The following TPD52 variants were observed in gnomAD, a reference collection of about 807,000 sequenced individuals.
TPD52 encodes tumor protein D52, also known as prostate and colon associated protein.
In TPD52, 17 loss-of-function variants were observed where a neutral mutation model predicts 31.3. That is an observed-to-expected ratio of 0.54 (90% CI 0.37 to 0.82). The LOEUF (loss-of-function observed/expected upper bound fraction) is 0.82, where lower values mean the gene tolerates loss of function less well. Among genes scored for constraint, TPD52 ranks in the 40% least tolerant of loss-of-function variants. The pLI is 0.00. For missense variants in TPD52, 212 were observed against 240.1 expected, an observed-to-expected ratio of 0.88 and a Z score of 0.77; for synonymous variants, 83 against 89.6, an observed-to-expected ratio of 0.93 and a Z score of 0.42.
At chr8:80,135,453 T>C (rs2131106588) in intron 1 of TPD52, among the ~76,000 whole-genome samples, 1 of 152,250 alleles carries the variant, frequency 6.6e-6, no homozygotes, top group Non-Finnish European at 1.5e-5. Context: ...GTTAGAGCTC[T>C]GACAAAGAGG....
At chr8:80,040,587 T>A (rs1162196306) in intron 7 of TPD52, among the ~76,000 whole-genome samples, 1 of 152,230 alleles carries the variant, frequency 6.6e-6, no homozygotes, top group East Asian at 1.9e-4. Flanking sequence ...TCTAAATATA[T>A]TCAGGAGAGT....
intron 1 of TPD52, among the ~76,000 whole-genome samples, chr8:80,139,742 G>A (rs1319103522): frequency 2.6e-5 from 4 of 152,160 alleles, no homozygotes; most frequent in Non-Finnish European, 1.5e-5. Context: ...TTGTTAAGAG[G>A]TTAGATCTCA....
chr8:80,038,571 A>G (rs529951320), intron 7 of TPD52, among the ~76,000 whole-genome samples: 2 of 152,370 alleles, frequency 1.3e-5, no homozygotes, highest in South Asian at 2.1e-4. Flanking sequence ...CTACACTTGC[A>G]TAACATTTTG....
intron 1 of TPD52, among the ~76,000 whole-genome samples, chr8:80,090,885 G>C (rs1320565464): frequency 3.3e-5 from 5 of 152,188 alleles, no homozygotes; most frequent in Non-Finnish European, 7.3e-5. Flanking sequence ...ATTCTCACTT[G>C]TTAGGAACCC....
chr8:80,123,419 T>C (rs764916348), intron 1 of TPD52, among the ~76,000 whole-genome samples: 1 of 151,974 alleles, frequency 6.6e-6, no homozygotes, highest in African/African-American at 2.4e-5. Context: ...AGAAAGAGAA[T>C]GTAGGTTTAA....
In TPD52 at chr8:80,094,440, A is replaced by ATATATATATATATATT. The variant is rs1816545215; in HGVS notation, c.20-29848_20-29847insAATATATATATATATA. ...AGACAAAAGAAAATTTTATATATAT[A>ATATATATATATATATT]TATATATATATATATATATATATAT... On this transcript the variant is annotated intron_variant, in intron 1 of 7. Transcript: ENST00000518937. 1.3e-4 allele frequency among the ~76,000 whole-genome samples: 4 copies of ATATATATATATATATT among 31,314 alleles called. 1 individual carries two copies. Among genetic ancestry groups the ATATATATATATATATT allele is most frequent in the African/African-American group, 8.1e-4 (4 of 4,908 alleles). 20.5% of individuals were successfully genotyped at this position (31,314 alleles called of 152,430 possible). A position where few individuals can be genotyped will look rare whatever the true frequency, so the allele number is the denominator to read the frequency against.
intron 1 of TPD52, among the ~76,000 whole-genome samples, chr8:80,152,776 G>A (rs1056097262): frequency 4.3e-5 from 1 of 23,252 alleles, no homozygotes; most frequent in South Asian, 1.4e-3. Context: ...GTGAGACTCC[G>A]TCTCAAAAAA....
intron 1 of TPD52, among the ~76,000 whole-genome samples, chr8:80,101,442 C>G (rs1276502558): frequency 8.2e-6 from 1 of 122,046 alleles, no homozygotes; most frequent in Non-Finnish European, 1.6e-5. Context: ...AGTGAGACTC[C>G]CAGCTCAAAA....
At chr8:80,162,421 G>A (rs1811419516) in intron 1 of TPD52, among the ~76,000 whole-genome samples, 2 of 152,016 alleles carry the variant, frequency 1.3e-5, no homozygotes, top group African/African-American at 2.4e-5. Flanking sequence ...TCTCTAGAGG[G>A]AAATACAAAT....
At chr8:80,041,338 A>C (rs926409911) in intron 7 of TPD52, among the ~76,000 whole-genome samples, 1 of 152,124 alleles carries the variant, frequency 6.6e-6, no homozygotes, top group South Asian at 2.1e-4. Flanking sequence ...AGAGTGTTTT[A>C]TTTCAATAAA....
At chr8:80,107,477 C>T (rs1027351625) in intron 1 of TPD52, among the ~76,000 whole-genome samples, 3 of 152,112 alleles carry the variant, frequency 2.0e-5, no homozygotes, top group African/African-American at 4.8e-5. Context: ...ATAGCAACTG[C>T]GGAGCAACCA....
intron 1 of TPD52, among the ~76,000 whole-genome samples, chr8:80,106,396 C>T (rs1008869600): frequency 1.3e-5 from 2 of 151,996 alleles, no homozygotes; most frequent in East Asian, 1.9e-4. Context: ...CTTGCTCTGT[C>T]ACCAGGCTGG....
At chr8:80,087,426 C>G (rs1211907556) in intron 1 of TPD52, among the ~76,000 whole-genome samples, 1 of 152,190 alleles carries the variant, frequency 6.6e-6, no homozygotes, top group Non-Finnish European at 1.5e-5. Context: ...CAAAGTAACA[C>G]AGGAGCAGGT....
chr8:80,127,508 G>A (rs759942702), intron 1 of TPD52: 1 of 152,112 alleles, frequency 6.6e-6, no homozygotes, highest in Admixed American at 6.6e-5. Flanking sequence ...CCTGGCTATA[G>A]AGCTCTTGGT....
chr8:80,117,987 C>T (rs191127474), intron 1 of TPD52, among the ~76,000 whole-genome samples: 8 of 152,210 alleles, frequency 5.3e-5, no homozygotes, highest in South Asian at 2.1e-4. Context: ...CCACCTCAGC[C>T]TCCCAAAGTG....
At chr8:80,095,905 G>A (rs1056484577) in intron 1 of TPD52, among the ~76,000 whole-genome samples, 7 of 152,002 alleles carry the variant, frequency 4.6e-5, no homozygotes, top group African/African-American at 1.2e-4. Context: ...CTGAGATCGC[G>A]ACACTGCACT....
At chr8:80,139,852 G>A (rs915326879) in intron 1 of TPD52, among the ~76,000 whole-genome samples, 1 of 152,162 alleles carries the variant, frequency 6.6e-6, no homozygotes, top group Non-Finnish European at 1.5e-5. Context: ...TGGGGAGCCT[G>A]ATGTTCGGGG....
chr8:80,119,432 TA>T (rs992856548), intron 1 of TPD52, among the ~76,000 whole-genome samples: 5 of 152,358 alleles, frequency 3.3e-5, no homozygotes, highest in African/African-American at 9.6e-5. Context: ...TTAAAGATGT[TA>T]TTTTTTTAAA....
At chr8:80,138,336 C>T (rs1458818534) in intron 1 of TPD52, among the ~76,000 whole-genome samples, 1 of 152,204 alleles carries the variant, frequency 6.6e-6, no homozygotes. Context: ...AATCTTCCAA[C>T]TGAAATCTGA....
Sources: gnomAD v4.1 joint callset for allele counts (sites outside exome capture counted in the v4.1 genomes callset) on GRCh38, gnomAD v4.1.1 for gene constraint, MANE v1.5 for transcripts, NCBI Gene and HGNC (gene_info 2026-07-23, HGNC 2026-07-21) for gene names.